The following ZPBP variants were observed in gnomAD, a reference collection of about 807,000 sequenced individuals.
ZPBP encodes zona pellucida binding protein, also known as zona pellucida-binding protein 1.
A neutral mutation model predicts 44.8 loss-of-function variants in ZPBP; 26 were observed. The observed-to-expected ratio is 0.58, with a 90% confidence interval of 0.43 to 0.81. The LOEUF (loss-of-function observed/expected upper bound fraction) is 0.81. Among genes scored for constraint, ZPBP ranks in the 30% least tolerant of loss-of-function variants. ZPBP has a pLI of 0.00. For missense variants in ZPBP, 409 were observed against 434.0 expected (o/e 0.94, Z 0.51); for synonymous variants, 174 against 153.2 (o/e 1.14, Z -1.00).
At chr7:49,976,032 T>C (rs1295992203) in intron 7 of ZPBP, among the ~76,000 whole-genome samples, 1 of 152,218 alleles carries the variant, frequency 6.6e-6, no homozygotes, top group Non-Finnish European at 1.5e-5. Context: ...GAATACATCA[T>C]GCATCTTAAT....
At chr7:50,035,772 G>C (rs1033190229) in intron 4 of ZPBP, among the ~76,000 whole-genome samples, 1 of 103,280 alleles carries the variant, frequency 9.7e-6, no homozygotes, top group South Asian at 2.6e-4. Flanking sequence ...AGGATACAAA[G>C]AAGTATATGT....
At chr7:49,914,799 TAA>T (rs1793630409) in intron 1 of ZPBP, 1 of 152,178 alleles carries the variant, frequency 6.6e-6, no homozygotes, top group Non-Finnish European at 1.5e-5. Context: ...AAGGAAAGTA[TAA>T]GTTACTCAAT....
At chr7:49,953,244 A>G (rs1034723760) in intron 7 of ZPBP, among the ~76,000 whole-genome samples, 2 of 152,140 alleles carry the variant, frequency 1.3e-5, no homozygotes, top group African/African-American at 2.4e-5. Context: ...GGAGATAGCA[A>G]CATACACAGA....
rs144006536 is a variant in ZPBP, at chr7:49,929,740, C to T, written n.411+6011G>A. ...CTGATGTAAACTTCTATATATCATCCGTGACTCAACATGCATTAACTGAGA... is the reference window on the plus strand; with the variant it reads ...CTGATGTAAACTTCTATATATCATCTGTGACTCAACATGCATTAACTGAGA... On this transcript the variant is annotated intron_variant and non_coding_transcript_variant, in intron 1 of 2. Transcript: ENST00000465922. Among the ~76,000 whole-genome samples, 478 of 152,258 alleles carry T rather than the reference C, an allele frequency of 3.1e-3. 6 individuals are homozygous for T. The highest frequency in any genetic ancestry group is 0.011 in the African/African-American group (444 of 41,524).
At chr7:49,851,471 A>T (rs1458298467) in intron 2 of ZPBP, among the ~76,000 whole-genome samples, 1 of 152,188 alleles carries the variant, frequency 6.6e-6, no homozygotes, top group Admixed American at 6.5e-5. Context: ...GCTTAGCGCA[A>T]TGTTATATTG....
At chr7:50,053,609 T>C (rs1800793743) in intron 4 of ZPBP, among the ~76,000 whole-genome samples, 1 of 152,170 alleles carries the variant, frequency 6.6e-6, no homozygotes, top group African/African-American at 2.4e-5. Context: ...TTTTTGTTAA[T>C]ATATTATAGA....
chr7:49,986,467 C>T (rs1054835373), intron 6 of ZPBP, among the ~76,000 whole-genome samples: 2 of 152,160 alleles, frequency 1.3e-5, no homozygotes, highest in African/African-American at 4.8e-5. Flanking sequence ...GCATTCCCTG[C>T]CACGTGTGTA....
chr7:49,931,428 G>T (rs1794438279), intron 1 of ZPBP, among the ~76,000 whole-genome samples: 1 of 152,164 alleles, frequency 6.6e-6, no homozygotes, highest in African/African-American at 2.4e-5. Context: ...GGTTGAGGTG[G>T]TCTCAAATGG....
At chr7:49,937,649 T>C (rs145023887) in intron 7 of ZPBP, 27 bp from the exon 8 acceptor site, 52 of 1,560,456 alleles carry the variant, frequency 3.3e-5, no homozygotes, top group Non-Finnish European at 4.6e-5. Context: ...AGTTAATAAG[T>C]AGTATTTTCC....
downstream of ZPBP, among the ~76,000 whole-genome samples, chr7:49,849,936 T>G (rs187879439): frequency 2.6e-5 from 4 of 152,242 alleles, no homozygotes; most frequent in East Asian, 7.7e-4. Flanking sequence ...AGTGCAATAG[T>G]ACAGCATGGT....
At chr7:49,986,748 C>A (rs914957000) in intron 6 of ZPBP, among the ~76,000 whole-genome samples, 1 of 152,094 alleles carries the variant, frequency 6.6e-6, no homozygotes, top group Admixed American at 6.5e-5. Flanking sequence ...TTATATTCTC[C>A]ATAAAGTTTT....
chr7:49,998,259 G>C (rs1407198019), intron 6 of ZPBP, among the ~76,000 whole-genome samples: 1 of 152,150 alleles, frequency 6.6e-6, no homozygotes, highest in African/African-American at 2.4e-5. Context: ...GAAGCTGAGA[G>C]TTCAATTTGC....
intron 2 of ZPBP, among the ~76,000 whole-genome samples, chr7:49,879,253 T>C (rs1374623247): frequency 2.0e-5 from 3 of 152,220 alleles, no homozygotes; most frequent in Non-Finnish European, 2.9e-5. Flanking sequence ...GCAAATCTAA[T>C]TGAAATTCTG....
chr7:49,865,953 C>T lies in ZPBP; in HGVS notation n.510-15439G>A, dbSNP rs558549564. ...TCCAGTTGAGAAAGTCTACTCGGCA[C>T]CATCTTAAATTGCTTAGGTTTTAAT... On this transcript the variant is annotated intron_variant and non_coding_transcript_variant, in intron 2 of 2. Coordinates refer to the ZPBP transcript ENST00000465922. Among the ~76,000 whole-genome samples the T allele has an allele frequency of 4.6e-5, 7 of 152,346 alleles. No homozygotes were observed. The East Asian group carries it at 1.4e-3, about 29-fold the overall frequency.
At chr7:50,007,152 C>T (rs996865662) in intron 6 of ZPBP, among the ~76,000 whole-genome samples, 2 of 151,898 alleles carry the variant, frequency 1.3e-5, no homozygotes, top group Admixed American at 1.3e-4. Flanking sequence ...CTGCTGAAAC[C>T]TTGAGCTTGG....
At chr7:49,927,756 C>T (rs1358493337) in intron 1 of ZPBP, among the ~76,000 whole-genome samples, 2 of 152,150 alleles carry the variant, frequency 1.3e-5, no homozygotes, top group African/African-American at 2.4e-5. Flanking sequence ...TAATGGAGAA[C>T]GTGGTACGAC....
At chr7:49,930,854 A>G (rs1794420475) in intron 1 of ZPBP, among the ~76,000 whole-genome samples, 1 of 152,270 alleles carries the variant, frequency 6.6e-6, no homozygotes, top group African/African-American at 2.4e-5. Flanking sequence ...TGGCTTAACC[A>G]TATGATTTGG....
chr7:50,007,801 A>AT (rs1410959066), intron 6 of ZPBP, among the ~76,000 whole-genome samples: 2 of 152,026 alleles, frequency 1.3e-5, no homozygotes, highest in African/African-American at 4.8e-5. Context: ...TAGAAAAGGT[A>AT]TTTTTTAAAA....
At chr7:49,911,089 T>C (rs762059176) in intron 1 of ZPBP, among the ~76,000 whole-genome samples, 1 of 152,346 alleles carries the variant, frequency 6.6e-6, no homozygotes, top group Non-Finnish European at 1.5e-5. Flanking sequence ...GTCTTAGTTA[T>C]GCTTTTTCTG....
Sources: allele counts gnomAD v4.1 joint callset (sites outside exome capture counted in the v4.1 genomes callset), GRCh38; gene constraint gnomAD v4.1.1; transcripts MANE v1.5; gene names NCBI Gene and HGNC (gene_info 2026-07-23, HGNC 2026-07-21).